Variants in EHBP1L1 observed in about 807,000 individuals in gnomAD.
EHBP1L1 encodes the protein EH domain binding protein 1 like 1, also known as EH domain-binding protein 1-like protein 1.
Under a neutral mutation model 151.1 loss-of-function variants are expected in EHBP1L1, and 122 were observed. The observed-to-expected ratio is 0.81, with a 90% CI of 0.70 to 0.94. The LOEUF (loss-of-function observed/expected upper bound fraction) is 0.94, where lower values mean the gene tolerates loss of function less well. EHBP1L1 is among the 40% of genes least tolerant of loss of function. The pLI, the probability that EHBP1L1 is intolerant of heterozygous loss-of-function variation, is 0.00. For missense variants in EHBP1L1, 1,941 were observed against 1,959.8 expected (o/e 0.99, Z 0.18); for synonymous variants, 878 against 810.1 (o/e 1.08, Z -1.42).
At position 65,589,817 on chromosome 11, in the gene EHBP1L1, C is replaced by G; in HGVS notation, c.4000C>G (p.Pro1334Ala). 1 of 1,563,452 alleles carries G rather than the reference C, an allele frequency of 6.4e-7. No homozygotes were observed. Among genetic ancestry groups the G allele is most frequent in the Non-Finnish European group, 8.7e-7 (1 of 1,153,858 alleles). Residue 1334 changes from proline (P) to alanine (A), a missense_variant, in exon 13 of 19, where the codon CCT becomes GCT. Pro to Ala is a conservative substitution (Grantham distance 27, BLOSUM62 -1). Coordinates refer to ENST00000309295, the MANE Select transcript of EHBP1L1 (RefSeq NM_001099409.3). Reference sequence around the variant, plus strand: ...CACAGCTGCAGACTCTCAACAGCCCCCTGGTGAGTAGCAGGAGTGGTGACC... The same window carrying G: ...CACAGCTGCAGACTCTCAACAGCCCGCTGGTGAGTAGCAGGAGTGGTGACC... ...PPTAADSQQP[P>A]GGSSPSEEPP...
Position 65,576,362 on chromosome 11 carries a change from C to A in EHBP1L1, c.60C>A (p.Phe20Leu). Residue 20 changes from phenylalanine to leucine, a missense_variant, in exon 1 of 19, where the codon TTC becomes TTA. By Grantham distance (22) the Phe-to-Leu change is conservative. Coordinates refer to ENST00000309295, the MANE Select transcript of EHBP1L1 (RefSeq NM_001099409.3). ...RVGKRAAKFQ[F>L]VACYHELVLE... is the part of the protein sequence containing the mutation. ...GCAAGCGGGCGGCCAAGTTCCAGTT[C>A]GTGGCCTGTTACCACGAGCTAGTGT... 1 of 1,598,610 alleles carries A rather than the reference C, an allele frequency of 6.3e-7. No homozygotes were observed. The highest frequency in any genetic ancestry group is 1.1e-5 in the South Asian group (1 of 88,570).
In EHBP1L1 at chr11:65,585,480, C is replaced by T; in HGVS notation, c.3822C>T (p.Phe1274=). Residue 1274 remains phenylalanine (F), a synonymous_variant, in exon 12 of 19, where the codon TTC becomes TTT. Transcript: ENST00000309295. This position sits in a 1 kb window ranked among gnomAD's most constrained non-coding sequence, Gnocchi z 4.0. ...CCCCGCCCCGCGCGCACGGCTCCTT[C>T]TCCCACGTGCGCGACGCGGACCTGC... ...SVPPPRAHGS[F]SHVRDADLLK... The T allele has an allele frequency of 1.3e-6, 2 of 1,540,916 alleles. No homozygotes were observed. The highest frequency in any genetic ancestry group is 1.7e-6 in the Non-Finnish European group (2 of 1,149,382).
chr11:65,583,971 C>CCT lies in EHBP1L1; in HGVS notation c.3093+209_3093+210dup. 2.8e-6 allele frequency: 4 copies of CCT among 1,409,032 alleles called. No individual in the cohort carries two copies. The South Asian group carries it at 6.8e-5, about 24-fold the overall frequency. The allele number at this position is 1,409,032 out of a possible 1,614,324, so 87.3% of individuals were successfully genotyped here. A position where few individuals can be genotyped will look rare whatever the true frequency, so the allele number is the denominator to read the frequency against. On this transcript the variant is annotated intron_variant, in intron 9 of 18. Transcript: ENST00000309295. ...TCCCTGGGCCGCATGGAGCTGGACA[C>CCT]CTCTAAGCTGATTTTCTGGGCTGAC... is the stretch of plus-strand genomic sequence containing the variant.
In EHBP1L1 at chr11:65,585,606, CCTT is replaced by C. The variant is rs1294581688; in HGVS notation, c.3933+19_3933+21del. ...CTGCGGCTGCAGTGAGTGTCAAGGT[CCTT>C]CTTTCTTCCCCCGCCGCAGCGCGGG... On this transcript the variant is annotated intron_variant, in intron 12 of 18. Transcript: ENST00000309295. This position sits in a 1 kb window ranked among gnomAD's most constrained non-coding sequence, Gnocchi z 4.0. 3.8e-6 allele frequency: 6 copies of C among 1,561,048 alleles called. No individual in the cohort carries two copies. In the African/African-American group the frequency reaches 4.1e-5, roughly 11 times the overall value.
chr11:65,582,701 G>A lies in EHBP1L1; in HGVS notation c.2029G>A (p.Val677Met). ...TACGATAGCAGAGACTGAGGTACTG[G>A]TGACCCAGGAGATATCTGGGGATTT... The part of the protein sequence containing the change: ...RTTIAETEVL[V>M]TQEISGDLGP... The change falls in exon 9 of 19, where the codon GTG becomes ATG. Residue 677 changes from valine to methionine, a missense_variant. Coordinates refer to ENST00000309295, the MANE Select transcript of EHBP1L1 (RefSeq NM_001099409.3). 6.2e-7 allele frequency: 1 copy of A among 1,613,666 alleles called. No individual in the cohort carries two copies. The highest frequency in any genetic ancestry group is 8.5e-7 in the Non-Finnish European group (1 of 1,179,852).
At chr11:65,580,316 C>T (rs1197183276) in intron 5 of EHBP1L1, 21 bp from the exon 6 acceptor site, 1 of 1,613,608 alleles carries the variant, frequency 6.2e-7, no homozygotes, top group Non-Finnish European at 8.5e-7. Context: ...TCCACCCTCA[C>T]CTTTAACCTC....
intron 11 of EHBP1L1, 85 bp from the exon 12 acceptor site, chr11:65,584,874 G>T (rs1354089329): frequency 1.3e-6 from 2 of 1,481,484 alleles, no homozygotes; most frequent in African/African-American, 1.4e-5. Context: ...CAATCCCGGG[G>T]ACCCCCTCCG....
Position 65,585,087 on chromosome 11 carries a change from G to A in EHBP1L1, c.3429G>A (p.Gly1143=). Residue 1143 remains glycine, a synonymous_variant, in exon 12 of 19, where the codon GGG becomes GGA. Transcript: ENST00000309295. The surrounding 1 kb of genome is among the most constrained non-coding windows in gnomAD (Gnocchi z 4.0). The part of the protein sequence containing the change: ...YLCQIRAFCT[G]QELQLVQLEG... ...GCCAGATCCGCGCCTTCTGCACCGG[G>A]CAGGAGCTGCAGCTGGTACAACTGG... is the stretch of plus-strand genomic sequence containing the variant. 1 of 1,533,642 alleles carries A rather than the reference G, an allele frequency of 6.5e-7. No homozygotes were observed. The highest frequency in any genetic ancestry group is 8.7e-7 in the Non-Finnish European group (1 of 1,148,646).
chr11:65,591,971 C>G lies in EHBP1L1; in HGVS notation c.4358-5C>G. On this transcript the variant is annotated splice_polypyrimidine_tract_variant and splice_region_variant and intron_variant, in intron 17 of 18. Coordinates refer to ENST00000309295, the MANE Select transcript of EHBP1L1 (RefSeq NM_001099409.3). ...CTCCTGACGCTTAGCCGCTTCGACCCTCAGACTGGCAGAAAACGTCCGCTC... is the reference window on the plus strand; with the variant it reads ...CTCCTGACGCTTAGCCGCTTCGACCGTCAGACTGGCAGAAAACGTCCGCTC... The G allele has an allele frequency of 6.2e-7, 1 of 1,611,108 alleles. No individual in the cohort carries two copies. Among genetic ancestry groups the G allele is most frequent in the Non-Finnish European group, 8.5e-7 (1 of 1,177,854 alleles).
At chr11:65,588,151 G>T (rs1404522054) in intron 12 of EHBP1L1, among the ~76,000 whole-genome samples, 1 of 152,154 alleles carries the variant, frequency 6.6e-6, no homozygotes. Context: ...GGAAGTCAGG[G>T]AGGGAGGCGG....
At chr11:65,590,274 C>T (rs1858201892) in intron 15 of EHBP1L1, 64 bp downstream of exon 15, 1 of 1,592,096 alleles carries the variant, frequency 6.3e-7, no homozygotes, top group African/African-American at 1.3e-5. Context: ...AGCCCTGCAG[C>T]TGTTCCTGAC....
chr11:65,585,497 C>T lies in EHBP1L1; in HGVS notation c.3839C>T (p.Ala1280Val), dbSNP rs1857919359. Residue 1280 changes from alanine (A) to valine (V), a missense_variant, in exon 12 of 19, where the codon GCG (alanine) becomes GTG (valine). Physicochemically the swap from Ala to Val is moderately conservative, Grantham distance 64. Coordinates refer to ENST00000309295, the MANE Select transcript of EHBP1L1 (RefSeq NM_001099409.3). The surrounding 1 kb of genome is among the most constrained non-coding windows in gnomAD (Gnocchi z 4.0). The stretch of plus-strand genomic sequence containing the variant: ...GGCTCCTTCTCCCACGTGCGCGACG[C>T]GGACCTGCTCAAGAAGAGGCGCTCG... ...AHGSFSHVRD[A>V]DLLKKRRSRL... 1.9e-6 allele frequency: 3 copies of T among 1,554,738 alleles called. No individual in the cohort carries two copies. Among genetic ancestry groups the T allele is most frequent in the South Asian group, 1.2e-5 (1 of 85,342 alleles).
rs1461957847 is a variant in EHBP1L1 at position 65,580,360 on chromosome 11, C to G, written c.515C>G (p.Ala172Gly). The G allele has an allele frequency of 6.2e-7, 1 of 1,613,816 alleles. No homozygotes were observed. Among genetic ancestry groups the G allele is most frequent in the East Asian group, 2.2e-5 (1 of 44,890 alleles). The change falls in exon 6 of 19, where the codon GCA becomes GGA. Residue 172 changes from alanine (A) to glycine (G), a missense_variant. Ala to Gly is a moderately conservative substitution (Grantham distance 60). Coordinates refer to ENST00000309295, the MANE Select transcript of EHBP1L1 (RefSeq NM_001099409.3). Reference sequence around the variant, plus strand: ...AGGGACGATGACATGCAGAGTCTCGCAAGCCTCATGAGTGTGAAGCCTAGT... The same window carrying G: ...AGGGACGATGACATGCAGAGTCTCGGAAGCCTCATGAGTGTGAAGCCTAGT... ...RATDDDMQSL[A>G]SLMSVKPSDV... is the part of the protein sequence containing the mutation.
Position 65,576,359 on chromosome 11 carries a change from G to A in EHBP1L1, c.57G>A (p.Gln19=). 6.3e-7 allele frequency: 1 copy of A among 1,599,492 alleles called. No homozygotes were observed. The highest frequency in any genetic ancestry group is 1.1e-5 in the South Asian group (1 of 88,708). The change falls in exon 1 of 19, where the codon CAG becomes CAA. Residue 19 remains glutamine, a synonymous_variant. Transcript: ENST00000309295. ...QRVGKRAAKF[Q]FVACYHELVL... ...TGGGCAAGCGGGCGGCCAAGTTCCA[G>A]TTCGTGGCCTGTTACCACGAGCTAG...
chr11:65,581,003 G>T (rs768596410), intron 6 of EHBP1L1, 55 bp from the exon 7 acceptor site: 1 of 1,548,856 alleles, frequency 6.5e-7, no homozygotes, highest in Non-Finnish European at 8.7e-7. Flanking sequence ...GGTCAGGCCT[G>T]TGGGGCCCTG....
chr11:65,590,428 C>T, intron 15 of EHBP1L1, 65 bp from the exon 16 acceptor site: 3 of 1,576,078 alleles, frequency 1.9e-6, no homozygotes, highest in Non-Finnish European at 1.7e-6. Flanking sequence ...CTCCCCCAAC[C>T]CCCAGCTGCC....
Position 65,579,122 on chromosome 11 carries a change from G to T in EHBP1L1, c.149G>T (p.Arg50Leu), listed in dbSNP as rs764167148. ...GTGGTATGGACCCGTCGGAACCGAC[G>T]CATCTGCTCCAAGGTGGGGAAGGAT... ...LVVVWTRRNR[R>L]ICSKAHSWQP... is the part of the protein sequence containing the mutation. Residue 50 changes from arginine to leucine, a missense_variant, in exon 2 of 19, where the codon CGC becomes CTC. Physicochemically the swap from Arg to Leu is moderately radical, Grantham distance 102. Transcript: ENST00000309295. 1.3e-6 allele frequency: 2 copies of T among 1,594,684 alleles called. No homozygotes were observed. Among genetic ancestry groups the T allele is most frequent in the South Asian group, 2.3e-5 (2 of 87,740 alleles).
At chr11:65,587,334 C>T (rs1446490032) in intron 12 of EHBP1L1, among the ~76,000 whole-genome samples, 1 of 151,098 alleles carries the variant, frequency 6.6e-6, no homozygotes, top group Non-Finnish European at 1.5e-5. Flanking sequence ...GATTGTGCCA[C>T]TGCACTCCAG....
At chr11:65,590,696 T>G in intron 16 of EHBP1L1, 104 bp downstream of exon 16, 1 of 1,009,042 alleles carries the variant, frequency 9.9e-7, no homozygotes, top group Non-Finnish European at 1.5e-6. Flanking sequence ...TGACAAACGA[T>G]TCCTCTTCCA....
Sources: allele counts gnomAD v4.1 joint callset (sites outside exome capture counted in the v4.1 genomes callset), GRCh38; gene constraint gnomAD v4.1.1; non-coding constraint Gnocchi (gnomAD v3.1); transcripts MANE v1.5; gene names NCBI Gene and HGNC (gene_info 2026-07-23, HGNC 2026-07-21).